The following NBPF14 variants were observed in gnomAD, a reference collection of about 807,000 sequenced individuals.
The protein encoded by NBPF14 is NBPF member 14, also known as NBPF family member NBPF14.
Under a neutral mutation model 91.2 loss-of-function variants are expected in NBPF14, and 104 were observed. The observed-to-expected ratio is 1.14, with a 90% CI of 0.97 to 1.34. The LOEUF is 1.34. Ranked by LOEUF, NBPF14 falls within the 40% of genes most tolerant of loss-of-function variation. The pLI is 0.00. For missense variants in NBPF14, 908 were observed against 783.0 expected (o/e 1.16, Z -1.91); for synonymous variants, 294 against 303.8 (o/e 0.97, Z 0.34).
chr1:148,561,866 C>A lies in NBPF14; in HGVS notation c.4275-287G>T, dbSNP rs1400056011. 1.7e-3 allele frequency among the ~76,000 whole-genome samples: 223 copies of A among 133,290 alleles called. 1 individual carries two copies. The highest frequency in any genetic ancestry group is 2.3e-3 in the Non-Finnish European group (152 of 66,372). The allele number at this position is 133,290 out of a possible 152,430, so 87.4% of individuals were successfully genotyped here. The stretch of plus-strand genomic sequence containing the variant: ...AGAGAGAACGAGCTCAGTGAATTGT[C>A]CAGGTGACACACTGATGAGGGAGTA... On this transcript the variant is annotated intron_variant, in intron 34 of 70. Coordinates refer to ENST00000619423, the Ensembl canonical transcript of NBPF14.
Position 148,587,417 on chromosome 1 carries a change from G to C in NBPF14, c.989-14C>G. On this transcript the variant is annotated splice_polypyrimidine_tract_variant and intron_variant, in intron 7 of 70. Transcript: ENST00000619423. Reference sequence around the variant, plus strand: ...ACTCTTCATATTCTGAGAAAAGACAGACACACCTACCTCAGTGGAAGGCTG... The same window carrying C: ...ACTCTTCATATTCTGAGAAAAGACACACACACCTACCTCAGTGGAAGGCTG... The C allele has an allele frequency of 6.4e-7, 1 of 1,567,744 alleles. No individual in the cohort carries two copies. The highest frequency in any genetic ancestry group is 8.7e-7 in the Non-Finnish European group (1 of 1,149,828).
At chr1:148,557,061 C>A (rs1358186383) in intron 40 of NBPF14, among the ~76,000 whole-genome samples, 199 bp from the exon 41 acceptor site, 1 of 117,142 alleles carries the variant, frequency 8.5e-6, no homozygotes, top group Non-Finnish European at 1.7e-5. Context: ...GACAGATAGA[C>A]ACACACACAC....
chr1:148,560,271 C>G (rs1570948312), intron 36 of NBPF14, among the ~76,000 whole-genome samples: 2 of 145,336 alleles, frequency 1.4e-5, no homozygotes, highest in East Asian at 2.1e-4. Flanking sequence ...TTAGTGCCCT[C>G]ATGACACACA....
At position 148,535,336 on chromosome 1, in the gene NBPF14, G is replaced by A. The variant is rs1317859059; in HGVS notation, c.8441+117C>T. The stretch of plus-strand genomic sequence containing the variant: ...GCAATGAAAACCAACAGCAATGTCA[G>A]TAGGAGTAATTCAACCTTCGCTGAA... On this transcript the variant is annotated intron_variant, in intron 68 of 70. Transcript: ENST00000619423. The A allele has an allele frequency of 1.7e-5, 10 of 591,614 alleles. No individual in the cohort carries two copies. In the East Asian group the frequency reaches 2.6e-4, roughly 16 times the overall value. 36.6% of individuals were successfully genotyped at this position (591,614 alleles called of 1,614,324 possible). A position where few individuals can be genotyped will look rare whatever the true frequency, so the allele number is the denominator to read the frequency against.
chr1:148,566,341 A>C (rs1250136480), intron 28 of NBPF14, 26 bp from the exon 29 acceptor site: 1 of 765,074 alleles, frequency 1.3e-6, no homozygotes, highest in Non-Finnish European at 2.3e-6. Context: ...AAGGTAAAGA[A>C]TAAGCCAGGG....
chr1:148,577,299 T>A, exon 15 of NBPF14: 1 of 619,362 alleles, frequency 1.6e-6, no homozygotes, highest in South Asian at 1.9e-5. Flanking sequence ...ATAACATCTA[T>A]CCAGTGAGTC....
At chr1:148,572,323 C>A in intron 21 of NBPF14, 120 bp downstream of exon 21, 1 of 251,746 alleles carries the variant, frequency 4.0e-6, no homozygotes. Flanking sequence ...TATATGCGCC[C>A]ATAGGTCCTG....
intron 68 of NBPF14, 58 bp downstream of exon 68, chr1:148,535,395 G>C (rs1654946439): frequency 3.9e-6 from 2 of 508,046 alleles, no homozygotes; most frequent in African/African-American, 5.5e-5. Context: ...GTTTTCCCTG[G>C]ACCTGGCATC....
exon 70 of NBPF14, chr1:148,533,923 T>C (rs1276428196): frequency 1.9e-5 from 14 of 750,852 alleles, no homozygotes; most frequent in Non-Finnish European, 3.1e-5. Context: ...TTTCCTTCTT[T>C]GATCTTCTTC....
chr1:148,588,201 C>A (rs1661871413), intron 7 of NBPF14, among the ~76,000 whole-genome samples: 1 of 100,626 alleles, frequency 9.9e-6, no homozygotes, highest in African/African-American at 3.6e-5. Context: ...GGTCCCTGCT[C>A]TGTACACTGC....
intron 70 of NBPF14, 84 bp from the exon 71 acceptor site, chr1:148,533,332 G>C: frequency 2.1e-6 from 1 of 481,606 alleles, no homozygotes; most frequent in Non-Finnish European, 3.5e-6. Context: ...AGCAACATAA[G>C]GAAGTGGTTA....
At chr1:148,591,476 A>G in exon 5 of NBPF14, 1 of 1,607,622 alleles carries the variant, frequency 6.2e-7, no homozygotes, top group East Asian at 2.2e-5. Flanking sequence ...CCTCAACTTG[A>G]ACATCTTCAT....
At chr1:148,576,788 T>A (rs1659851928) in intron 15 of NBPF14, among the ~76,000 whole-genome samples, 3 of 149,236 alleles carry the variant, frequency 2.0e-5, no homozygotes, top group South Asian at 4.3e-4. Flanking sequence ...AAAACTGCAC[T>A]ATTCAGCCCT....
intron 42 of NBPF14, among the ~76,000 whole-genome samples, 177 bp from the exon 43 acceptor site, chr1:148,555,429 TGAAAGA>T (rs1656564255): frequency 1.1e-5 from 1 of 88,448 alleles, no homozygotes; most frequent in Admixed American, 1.4e-4. Context: ...TAGAAAACAA[TGAAAGA>T]GAAAGACAGA....
chr1:148,566,504 GACAGAC>G (rs1306250306), intron 28 of NBPF14, among the ~76,000 whole-genome samples, 189 bp from the exon 29 acceptor site: 1 of 107,266 alleles, frequency 9.3e-6, no homozygotes, highest in African/African-American at 4.3e-5. Context: ...GAAAGAGAAA[GACAGAC>G]ACACACACAC....
intron 14 of NBPF14, 98 bp downstream of exon 14, chr1:148,577,885 A>G: frequency 1.6e-6 from 1 of 608,966 alleles, no homozygotes; most frequent in South Asian, 1.9e-5. Context: ...CTTGTCTGAC[A>G]AGACAAAATC....
chr1:148,593,132 A>C (rs1403472873), intron 3 of NBPF14, among the ~76,000 whole-genome samples: 1 of 148,054 alleles, frequency 6.8e-6, no homozygotes, highest in Admixed American at 6.7e-5. Flanking sequence ...ATACAAAGCC[A>C]CGTACAGAAA....
chr1:148,577,649 G>C (rs1409614585), intron 14 of NBPF14, among the ~76,000 whole-genome samples: 4 of 148,958 alleles, frequency 2.7e-5, no homozygotes, highest in Non-Finnish European at 5.9e-5. Flanking sequence ...AGGACACTCT[G>C]TATTTGTGCT....
chr1:148,534,234 A>C (rs1484637535), intron 69 of NBPF14, among the ~76,000 whole-genome samples: 1 of 151,370 alleles, frequency 6.6e-6, no homozygotes. Context: ...CAGTTACGCC[A>C]TATTTTTCCA....
Sources: allele counts gnomAD v4.1 joint callset (sites outside exome capture counted in the v4.1 genomes callset), GRCh38; gene constraint gnomAD v4.1.1; transcripts MANE v1.5; gene names NCBI Gene and HGNC (gene_info 2026-07-23, HGNC 2026-07-21).